Variants in PRRX2 observed in about 807,000 individuals in gnomAD.
The protein encoded by PRRX2 is paired mesoderm homeobox protein 2.
Under a neutral mutation model 18.0 loss-of-function variants are expected in PRRX2, and 11 were observed. The observed-to-expected ratio is 0.61, with a 90% confidence interval of 0.39 to 1.01. PRRX2 has a LOEUF of 1.01. PRRX2 is among the 50% of genes least tolerant of loss of function. The probability of loss-of-function intolerance (pLI) is 0.01; values close to 1 mark genes in which losing one functional copy is unlikely to be tolerated. For synonymous variants in PRRX2, 177 were observed against 154.8 expected (o/e 1.14, Z -1.06); for missense variants, 387 against 351.0 (o/e 1.10, Z -0.82).
At chr9:129,682,928 A>AC (rs139699879) in intron 1 of PRRX2, among the ~76,000 whole-genome samples, 59,407 of 151,202 alleles carry the variant, frequency 0.39, 12,598 homozygotes, top group Non-Finnish European at 0.46. Context: ...AACATGGTGA[A>AC]CCCCCCCCAT....
chr9:129,721,800 C>T (rs1379903926), intron 3 of PRRX2, among the ~76,000 whole-genome samples: 15 of 152,086 alleles, frequency 9.9e-5, no homozygotes, highest in African/African-American at 2.4e-4. Context: ...AGGCTGGTCT[C>T]GAACTCCTGA....
intron 1 of PRRX2, among the ~76,000 whole-genome samples, chr9:129,696,728 C>A (rs781169060): frequency 6.6e-6 from 1 of 152,114 alleles, no homozygotes; most frequent in Non-Finnish European, 1.5e-5. Flanking sequence ...CTGCAGAGTC[C>A]CCACAAAGCT....
intron 1 of PRRX2, among the ~76,000 whole-genome samples, chr9:129,685,694 C>T (rs1832292014): frequency 6.6e-6 from 1 of 152,222 alleles, no homozygotes; most frequent in African/African-American, 2.4e-5. Context: ...AATTTCCAGT[C>T]TCCCATTTTC....
At chr9:129,714,944 AGTTT>A (rs1323732408) in intron 1 of PRRX2, among the ~76,000 whole-genome samples, 2 of 152,142 alleles carry the variant, frequency 1.3e-5, no homozygotes, top group Non-Finnish European at 2.9e-5. Flanking sequence ...ATCACCACCC[AGTTT>A]TCAGCGCAAG....
Position 129,665,704 on chromosome 9 carries a change from T to G in PRRX2, c.-164T>G, listed in dbSNP as rs575423504. The G allele has an allele frequency of 1.9e-4, 77 of 398,346 alleles. 1 individual carries two copies. The Admixed American group carries it at 4.7e-3, about 25-fold the overall frequency. The allele number at this position is 398,346 out of a possible 1,614,324, so 24.7% of individuals were successfully genotyped here. A position where few individuals can be genotyped will look rare whatever the true frequency, so the allele number is the denominator to read the frequency against. On this transcript the variant is annotated 5_prime_UTR_variant, in exon 1 of 4. Transcript: ENST00000372469. The surrounding 1 kb of genome is among the most constrained non-coding windows in gnomAD (Gnocchi z 5.3). ...TGGCTGAGAAGGGGAGGGCGGAAAG[T>G]TTGTTTCCCCGACGTCAGCGCCGGG...
At chr9:129,718,956 TG>T (rs1008685615) in intron 1 of PRRX2, among the ~76,000 whole-genome samples, 1 of 152,196 alleles carries the variant, frequency 6.6e-6, no homozygotes, top group African/African-American at 2.4e-5. Context: ...TGGCTCAGAC[TG>T]GGGTTTCCAC....
At position 129,665,843 on chromosome 9, in the gene PRRX2, G is replaced by A. The variant is rs1310713896; in HGVS notation, c.-25G>A. The stretch of plus-strand genomic sequence containing the variant: ...GGGACCCGAGCCCGAGACCCCCGCC[G>A]GCCCCCCCGGGGCCGCTCGCGGGCA... On this transcript the variant is annotated 5_prime_UTR_variant, in exon 1 of 4. Transcript: ENST00000372469. This position sits in a 1 kb window ranked among gnomAD's most constrained non-coding sequence, Gnocchi z 5.3. 30 of 1,030,046 alleles carry A rather than the reference G, an allele frequency of 2.9e-5. No individual in the cohort carries two copies. The highest frequency in any genetic ancestry group is 3.5e-5 in the Non-Finnish European group (30 of 861,376). 63.8% of individuals were successfully genotyped at this position (1,030,046 alleles called of 1,614,324 possible). A position where few individuals can be genotyped will look rare whatever the true frequency, so the allele number is the denominator to read the frequency against.
rs564323428 is a variant in PRRX2 at position 129,678,884 on chromosome 9, G to A, written c.259+12758G>A. On this transcript the variant is annotated intron_variant, in intron 1 of 3. Transcript: ENST00000372469. ...GTTGTGTCTCAGTTGCCCAGAGCTC[G>A]CTGGGCTGCCCCAGTCTCCAAAGGA... Among the ~76,000 whole-genome samples, 6 of 152,298 alleles carry A rather than the reference G, an allele frequency of 3.9e-5. No homozygotes were observed. In the East Asian group the frequency reaches 1.2e-3, roughly 29 times the overall value.
chr9:129,682,539 CG>C (rs1832246353), intron 1 of PRRX2, among the ~76,000 whole-genome samples: 1 of 152,014 alleles, frequency 6.6e-6, no homozygotes, highest in Admixed American at 6.5e-5. Flanking sequence ...CACCCTGGGG[CG>C]GGGTGGTGAG....
intron 2 of PRRX2, among the ~76,000 whole-genome samples, chr9:129,720,170 C>G (rs551665249): frequency 4.0e-5 from 6 of 150,762 alleles, no homozygotes; most frequent in African/African-American, 1.5e-4. Context: ...AGCGCCTCTC[C>G]CCGCGAGTCC....
chr9:129,708,482 A>C (rs1832583078), intron 1 of PRRX2, among the ~76,000 whole-genome samples: 1 of 152,088 alleles, frequency 6.6e-6, no homozygotes, highest in South Asian at 2.1e-4. Flanking sequence ...AGAAATGTCT[A>C]CTCAAATCCT....
chr9:129,706,150 A>G (rs1832554530), intron 1 of PRRX2, among the ~76,000 whole-genome samples: 1 of 152,100 alleles, frequency 6.6e-6, no homozygotes, highest in African/African-American at 2.4e-5. Context: ...ACCCATTTAA[A>G]GTGCACAGTC....
At position 129,700,753 on chromosome 9, in the gene PRRX2, G is replaced by A. The variant is rs928880304; in HGVS notation, c.260-18478G>A. 1.2e-4 allele frequency among the ~76,000 whole-genome samples: 18 copies of A among 152,130 alleles called. 1 individual carries two copies. The highest frequency in any genetic ancestry group is 2.9e-5 in the Non-Finnish European group (2 of 68,034). The stretch of plus-strand genomic sequence containing the variant: ...CCACTTCAGCCTCCTGAGTTGCTGG[G>A]ACTACAGGTGCGTGCCACCATGCCC... On this transcript the variant is annotated intron_variant, in intron 1 of 3. Coordinates refer to ENST00000372469, the MANE Select transcript of PRRX2 (RefSeq NM_016307.4).
intron 1 of PRRX2, among the ~76,000 whole-genome samples, chr9:129,694,797 G>T (rs1832399899): frequency 6.6e-6 from 1 of 152,114 alleles, no homozygotes; most frequent in South Asian, 2.1e-4. Context: ...GGCACATAGG[G>T]GAGTCCATGG....
intron 1 of PRRX2, among the ~76,000 whole-genome samples, chr9:129,680,422 G>A (rs1168001805): frequency 3.6e-4 from 50 of 140,656 alleles, no homozygotes; most frequent in East Asian, 1.0e-3. Context: ...AAAAAGAAAA[G>A]AAAAGAAAAG....
In PRRX2 at chr9:129,715,523, C is replaced by T. The variant is rs1484047541; in HGVS notation, c.260-3708C>T. Among the ~76,000 whole-genome samples, 11 of 152,006 alleles carry T rather than the reference C, an allele frequency of 7.2e-5. No individual in the cohort carries two copies. Among genetic ancestry groups the T allele is most frequent in the Non-Finnish European group, 1.3e-4 (9 of 68,010 alleles). ...GGGGAATTGCTTGAGCCCAGGAGGTCGAGGCTGCAGTGTGTTACGATTGCG... is the reference window on the plus strand; with the variant it reads ...GGGGAATTGCTTGAGCCCAGGAGGTTGAGGCTGCAGTGTGTTACGATTGCG... On this transcript the variant is annotated intron_variant, in intron 1 of 3. Coordinates refer to ENST00000372469, the MANE Select transcript of PRRX2 (RefSeq NM_016307.4). This position sits in a 1 kb window ranked among gnomAD's most constrained non-coding sequence, Gnocchi z 4.0.
At chr9:129,688,345 G>GT (rs1487826127) in intron 1 of PRRX2, among the ~76,000 whole-genome samples, 6 of 152,136 alleles carry the variant, frequency 3.9e-5, no homozygotes, top group Admixed American at 6.5e-5. Context: ...GATTATAGGT[G>GT]TGAGTCACCG....
intron 1 of PRRX2, among the ~76,000 whole-genome samples, chr9:129,681,112 T>C (rs1832223838): frequency 6.6e-6 from 1 of 152,194 alleles, no homozygotes. Flanking sequence ...TCTGAGCCAG[T>C]CCCCGGGCTC....
At chr9:129,697,359 G>C (rs1832439425) in intron 1 of PRRX2, among the ~76,000 whole-genome samples, 1 of 151,926 alleles carries the variant, frequency 6.6e-6, no homozygotes, top group South Asian at 2.1e-4. Flanking sequence ...CCGCCCGGCC[G>C]GGGCGCGCAC....
Sources: allele counts gnomAD v4.1 joint callset (sites outside exome capture counted in the v4.1 genomes callset), GRCh38; gene constraint gnomAD v4.1.1; non-coding constraint Gnocchi (gnomAD v3.1); transcripts MANE v1.5; gene names NCBI Gene and HGNC (gene_info 2026-07-23, HGNC 2026-07-21).